The following ELMO1 variants were observed in gnomAD, a reference collection of about 807,000 sequenced individuals.
ELMO1 encodes engulfment and cell motility 1.
Under a neutral mutation model 98.9 loss-of-function variants are expected in ELMO1, and 26 were observed. The ratio of observed to expected loss-of-function variants is 0.26; its 90% CI spans 0.19 to 0.36. The LOEUF (loss-of-function observed/expected upper bound fraction) is 0.36. Among genes scored for constraint, ELMO1 ranks in the 10% least tolerant of loss-of-function variants. The pLI is 1.00. For synonymous variants in ELMO1, 346 were observed against 346.0 expected (o/e 1.00, Z 0.00); for missense variants, 627 against 935.2 (o/e 0.67, Z 4.30).
intron 1 of ELMO1, among the ~76,000 whole-genome samples, chr7:37,417,076 G>C (rs1248923340): frequency 6.6e-6 from 1 of 152,088 alleles, no homozygotes; most frequent in Non-Finnish European, 1.5e-5. Flanking sequence ...TTCTCTCAAC[G>C]ATCCTAGAAG....
chr7:36,868,303 CT>C (rs998959353), intron 20 of ELMO1, among the ~76,000 whole-genome samples: 2 of 151,328 alleles, frequency 1.3e-5, no homozygotes, highest in Non-Finnish European at 2.9e-5. Context: ...TCCAAGAAAA[CT>C]TGTTGATTTC....
rs199588120 is a variant in ELMO1 at position 37,130,781 on chromosome 7, A to AT, written c.1191+2348dup. ...TTTGTGTGTGTGTGTGTGTGTTACA[A>AT]TTTTTTTTTAATCTCAACTATAAAT... On this transcript the variant is annotated intron_variant, in intron 14 of 21. Transcript: ENST00000310758. 2.3e-3 allele frequency among the ~76,000 whole-genome samples: 346 copies of AT among 151,350 alleles called. 2 individuals are homozygous for AT. Among genetic ancestry groups the AT allele is most frequent in the Middle Eastern group, 0.014 (4 of 294 alleles).
intron 4 of ELMO1, among the ~76,000 whole-genome samples, chr7:37,291,586 A>C (rs1797681787): frequency 6.6e-6 from 1 of 152,184 alleles, no homozygotes; most frequent in Non-Finnish European, 1.5e-5. Flanking sequence ...ACACAGAAAA[A>C]TATGCTCAGC....
intron 16 of ELMO1, among the ~76,000 whole-genome samples, chr7:36,976,210 A>G (rs1790532612): frequency 6.6e-6 from 1 of 152,176 alleles, no homozygotes; most frequent in African/African-American, 2.4e-5. Context: ...ATCATCCACT[A>G]ATGCCTGACC....
intron 11 of ELMO1, among the ~76,000 whole-genome samples, chr7:37,214,783 A>C (rs1381645792): frequency 6.6e-6 from 1 of 152,212 alleles, no homozygotes; most frequent in Non-Finnish European, 1.5e-5. Context: ...TTTTCTTAGC[A>C]ACTCGAAAGT....
At chr7:36,876,829 A>G (rs528726194) in intron 19 of ELMO1, among the ~76,000 whole-genome samples, 15 of 152,304 alleles carry the variant, frequency 9.8e-5, no homozygotes, top group Admixed American at 6.5e-4. Context: ...GCAGCAGTGG[A>G]TTTCAGATTT....
At chr7:37,226,132 G>A (rs754632061) in intron 8 of ELMO1, among the ~76,000 whole-genome samples, 16 of 152,206 alleles carry the variant, frequency 1.1e-4, no homozygotes, top group Middle Eastern at 6.8e-3. Context: ...GGTGGGAGAC[G>A]CAGATACCAA....
intron 16 of ELMO1, among the ~76,000 whole-genome samples, chr7:36,898,957 G>A (rs1392196348): frequency 6.6e-6 from 1 of 152,188 alleles, no homozygotes; most frequent in Non-Finnish European, 1.5e-5. Flanking sequence ...AAAGGGCTGA[G>A]GGCATAGCAC....
rs1789049539 is a variant in ELMO1, at chr7:37,159,539, A to G, written c.1087-26305T>C. ...AACATGGCAAAACTCCGTCTCTACTAAAATACAAAAATTAGCCAGGCGTGG... is the reference window on the plus strand; with the variant it reads ...AACATGGCAAAACTCCGTCTCTACTGAAATACAAAAATTAGCCAGGCGTGG... On this transcript the variant is annotated intron_variant, in intron 13 of 21. Transcript: ENST00000310758. Among the ~76,000 whole-genome samples the G allele has an allele frequency of 2.6e-5, 4 of 152,176 alleles. No homozygotes were observed. In the South Asian group the frequency reaches 8.3e-4, roughly 32 times the overall value.
rs913073599 is a variant in ELMO1, at chr7:37,314,980, C to T, written c.120-58G>A. 2.6e-6 allele frequency: 4 copies of T among 1,528,464 alleles called. No homozygotes were observed. In the East Asian group the frequency reaches 6.9e-5, roughly 26 times the overall value. The allele number at this position is 1,528,464 out of a possible 1,614,324, so 94.7% of individuals were successfully genotyped here. ...ATGAAAGTGGCCATTTTCATTTTTA[C>T]AATTTTTTAGTGTTGGATGAACTAA... On this transcript the variant is annotated intron_variant, in intron 3 of 21. Transcript: ENST00000310758.
chr7:37,089,394 C>T (rs1277399824), intron 15 of ELMO1, among the ~76,000 whole-genome samples: 2 of 152,020 alleles, frequency 1.3e-5, no homozygotes, highest in Non-Finnish European at 2.9e-5. Flanking sequence ...AAATTGTAAT[C>T]TAATTATAAA....
chr7:37,208,006 GC>G (rs1792736407), intron 13 of ELMO1, among the ~76,000 whole-genome samples: 3 of 152,338 alleles, frequency 2.0e-5, no homozygotes, highest in African/African-American at 7.2e-5. Flanking sequence ...GGAATGTGAT[GC>G]CCATCTGCCT....
intron 1 of ELMO1, among the ~76,000 whole-genome samples, chr7:37,441,410 G>A (rs895274634): frequency 2.6e-5 from 4 of 152,202 alleles, no homozygotes; most frequent in Admixed American, 6.5e-5. Flanking sequence ...AAAGGACTTC[G>A]CATAAAGCAG....
chr7:36,924,267 G>T (rs1467981784), intron 16 of ELMO1, among the ~76,000 whole-genome samples: 2 of 152,104 alleles, frequency 1.3e-5, no homozygotes, highest in African/African-American at 2.4e-5. Flanking sequence ...CTCTTTGGGG[G>T]TGCACTGAAA....
intron 15 of ELMO1, among the ~76,000 whole-genome samples, chr7:37,087,058 T>C (rs775206888): frequency 6.6e-6 from 1 of 152,250 alleles, no homozygotes; most frequent in Non-Finnish European, 1.5e-5. Flanking sequence ...CAAGATGTTT[T>C]CCATTGGGAT....
At chr7:37,345,480 C>T (rs2700989) in intron 1 of ELMO1, among the ~76,000 whole-genome samples, 24,221 of 151,812 alleles carry the variant, frequency 0.16, 2,078 homozygotes, top group Middle Eastern at 0.25. Context: ...GAGACTGAGG[C>T]GGGTGGATCA....
intron 13 of ELMO1, among the ~76,000 whole-genome samples, chr7:37,147,609 G>A (rs1469343008): frequency 6.6e-6 from 1 of 152,174 alleles, no homozygotes; most frequent in African/African-American, 2.4e-5. Flanking sequence ...TCAACTTCAT[G>A]TGGCAGCCAG....
At chr7:37,127,077 G>C (rs778738479) in intron 14 of ELMO1, among the ~76,000 whole-genome samples, 3 of 152,342 alleles carry the variant, frequency 2.0e-5, no homozygotes, top group Non-Finnish European at 4.4e-5. Flanking sequence ...AGAGGGGTCA[G>C]ATGACTGACA....
intron 13 of ELMO1, among the ~76,000 whole-genome samples, chr7:37,182,064 A>T (rs1790897513): frequency 6.6e-6 from 1 of 152,184 alleles, no homozygotes; most frequent in South Asian, 2.1e-4. Flanking sequence ...GTTTTGCCCA[A>T]ACTTGGATCA....
Sources: allele counts gnomAD v4.1 joint callset (sites outside exome capture counted in the v4.1 genomes callset), GRCh38; gene constraint gnomAD v4.1.1; transcripts MANE v1.5; gene names NCBI Gene and HGNC (gene_info 2026-07-23, HGNC 2026-07-21).